PDE4D: variants seen among roughly 807,000 people sequenced by gnomAD.
PDE4D encodes phosphodiesterase 4D, also known as 3',5'-cyclic-AMP phosphodiesterase 4D.
PDE4D carries 24 observed loss-of-function variants against 87.4 expected under a neutral mutation model. The ratio of observed to expected loss-of-function variants is 0.27; its 90% confidence interval spans 0.20 to 0.39. PDE4D has a LOEUF of 0.39. Ranked by LOEUF, PDE4D falls within the 10% of genes least tolerant of loss-of-function variation. The pLI is 1.00. For synonymous variants in PDE4D, 384 were observed against 383.2 expected, an observed-to-expected ratio of 1.00 and a Z score of -0.02; for missense variants, 714 against 1,041.0, an observed-to-expected ratio of 0.69 and a Z score of 4.32.
chr5:59,135,571 C>T (rs531845424), intron 5 of PDE4D, among the ~76,000 whole-genome samples: 1 of 152,302 alleles, frequency 6.6e-6, no homozygotes, highest in African/African-American at 2.4e-5. Context: ...TTATTTGCAA[C>T]CCAGCACTTC....
intron 2 of PDE4D, among the ~76,000 whole-genome samples, chr5:60,120,265 T>C (rs1263644320): frequency 1.3e-5 from 2 of 152,176 alleles, no homozygotes; most frequent in Non-Finnish European, 2.9e-5. Context: ...GTGAAGAGCA[T>C]AGATGCACTA....
chr5:59,278,231 C>G (rs1765186079), intron 1 of PDE4D, among the ~76,000 whole-genome samples: 4 of 151,994 alleles, frequency 2.6e-5, no homozygotes, highest in South Asian at 2.1e-4. Flanking sequence ...GTTATCTAAG[C>G]ATCCTGTAGT....
chr5:59,208,283 G>A (rs1269870986), intron 2 of PDE4D, among the ~76,000 whole-genome samples: 1 of 152,214 alleles, frequency 6.6e-6, no homozygotes, highest in African/African-American at 2.4e-5. Context: ...AGTTCGAATT[G>A]CAGCAGGCTT....
At chr5:60,211,568 T>TA (rs1235187239) in intron 1 of PDE4D, among the ~76,000 whole-genome samples, 1 of 148,648 alleles carries the variant, frequency 6.7e-6, no homozygotes, top group Non-Finnish European at 1.5e-5. Flanking sequence ...TTGTGTTTAT[T>TA]ACGCGTTTTA....
chr5:59,550,918 A>G lies in PDE4D; in HGVS notation c.456-334950T>C, dbSNP rs369793643. 9.9e-4 allele frequency among the ~76,000 whole-genome samples: 150 copies of G among 152,060 alleles called. 1 individual carries two copies. Among genetic ancestry groups the G allele is most frequent in the African/African-American group, 3.0e-3 (124 of 41,490 alleles). ...TCACCATGTTGGTCAGGCTGGTCTC[A>G]AACTCCTGACCTCGTGATCCACCTG... On this transcript the variant is annotated intron_variant, in intron 1 of 14. Coordinates refer to ENST00000340635, the MANE Select transcript of PDE4D (RefSeq NM_001104631.2).
intron 5 of PDE4D, among the ~76,000 whole-genome samples, chr5:59,144,776 CA>C (rs1778361435): frequency 6.7e-6 from 1 of 149,192 alleles, no homozygotes; most frequent in African/African-American, 2.5e-5. Flanking sequence ...ACATATAAAT[CA>C]CATCAAGCCA....
chr5:59,055,796 T>G (rs921540299), intron 5 of PDE4D, among the ~76,000 whole-genome samples: 1 of 152,220 alleles, frequency 6.6e-6, no homozygotes, highest in Admixed American at 6.5e-5. Flanking sequence ...CCAGAGGTTA[T>G]GACGTGATTC....
intron 5 of PDE4D, among the ~76,000 whole-genome samples, chr5:59,152,193 C>T (rs1207224587): frequency 1.3e-5 from 2 of 152,170 alleles, no homozygotes; most frequent in East Asian, 1.9e-4. Flanking sequence ...ATTTTACCTA[C>T]CTTATGTGAT....
intron 2 of PDE4D, among the ~76,000 whole-genome samples, chr5:60,180,771 TAA>T (rs1407764965): frequency 6.6e-6 from 1 of 152,168 alleles, no homozygotes; most frequent in African/African-American, 2.4e-5. Flanking sequence ...TTGTTGTGAA[TAA>T]AGACACAAGC....
intron 1 of PDE4D, among the ~76,000 whole-genome samples, chr5:59,448,154 C>T (rs938183816): frequency 5.3e-5 from 8 of 152,204 alleles, no homozygotes; most frequent in Admixed American, 4.6e-4. Context: ...GGATGTTGAG[C>T]TGGTAAAGGC....
chr5:60,423,556 G>A (rs1245176043), intron 1 of PDE4D, among the ~76,000 whole-genome samples: 2 of 151,906 alleles, frequency 1.3e-5, no homozygotes, highest in Non-Finnish European at 2.9e-5. Context: ...TGTGTAGAGG[G>A]AAATTTATAG....
In PDE4D at chr5:59,075,075, AACACACACACACACACACACAC is replaced by A. The variant is rs70973189; in HGVS notation, c.809-36126_809-36105del. ...TTGAGAAGGAGTAAAAAGCTTACAA[AACACACACACACACACACACAC>A]ACACACACACACACACACACACACA... On this transcript the variant is annotated intron_variant, in intron 5 of 14. Coordinates refer to ENST00000340635, the MANE Select transcript of PDE4D (RefSeq NM_001104631.2). 3.9e-3 allele frequency among the ~76,000 whole-genome samples: 508 copies of A among 129,872 alleles called. 1 individual carries two copies. Among genetic ancestry groups the A allele is most frequent in the Admixed American group, 8.6e-3 (109 of 12,630 alleles). The allele number at this position is 129,872 out of a possible 152,430, so 85.2% of individuals were successfully genotyped here.
intron 1 of PDE4D, among the ~76,000 whole-genome samples, chr5:59,885,235 A>C (rs1191945821): frequency 6.6e-6 from 1 of 152,108 alleles, no homozygotes; most frequent in African/African-American, 2.4e-5. Flanking sequence ...AATAGCCTAT[A>C]TGATATGTTC....
In PDE4D at chr5:59,654,493, G is replaced by A. The variant is rs118176648; in HGVS notation, c.455+238675C>T. Among the ~76,000 whole-genome samples the A allele has an allele frequency of 2.6e-3, 401 of 152,280 alleles. 4 individuals are homozygous for A. Among genetic ancestry groups the A allele is most frequent in the Admixed American group, 0.021 (321 of 15,298 alleles). On this transcript the variant is annotated intron_variant, in intron 1 of 14. Transcript: ENST00000340635. ...GTAGGTGTTGATTTGTATCAGGAAG[G>A]TCATGACTGGTTCCTCCCAAACTAT...
At chr5:60,062,909 C>G (rs1391899490) in intron 2 of PDE4D, among the ~76,000 whole-genome samples, 2 of 151,878 alleles carry the variant, frequency 1.3e-5, no homozygotes, top group African/African-American at 4.8e-5. Flanking sequence ...ACACCAGGGC[C>G]TGTTGGGTCA....
intron 1 of PDE4D, among the ~76,000 whole-genome samples, chr5:60,261,383 T>A (rs545372129): frequency 1.3e-5 from 2 of 152,250 alleles, no homozygotes; most frequent in Non-Finnish European, 2.9e-5. Flanking sequence ...CCCTTATATC[T>A]TCCCCCTACA....
At chr5:59,452,608 C>T (rs1414184003) in intron 1 of PDE4D, among the ~76,000 whole-genome samples, 1 of 152,160 alleles carries the variant, frequency 6.6e-6, no homozygotes, top group Non-Finnish European at 1.5e-5. Flanking sequence ...TCTGGCTTCT[C>T]TCTTTCTGCC....
chr5:59,527,145 G>A (rs1813302120), intron 1 of PDE4D, among the ~76,000 whole-genome samples: 1 of 152,044 alleles, frequency 6.6e-6, no homozygotes, highest in Non-Finnish European at 1.5e-5. Context: ...ACCACTGAAT[G>A]GCATGGTGGT....
At chr5:60,141,105 C>A (rs1053455726) in intron 2 of PDE4D, among the ~76,000 whole-genome samples, 1 of 152,034 alleles carries the variant, frequency 6.6e-6, no homozygotes, top group Admixed American at 6.6e-5. Context: ...GTTTCATACT[C>A]TTTTTTATAG....
Sources: gnomAD v4.1 joint callset for allele counts (sites outside exome capture counted in the v4.1 genomes callset) on GRCh38, gnomAD v4.1.1 for gene constraint, MANE v1.5 for transcripts, NCBI Gene and HGNC (gene_info 2026-07-23, HGNC 2026-07-21) for gene names.